The following HMG20A variants were observed in gnomAD, a reference collection of about 807,000 sequenced individuals.
The protein encoded by HMG20A is high mobility group protein 20A.
HMG20A carries 17 observed loss-of-function variants against 43.9 expected under a neutral mutation model. The observed-to-expected ratio is 0.39, with a 90% CI of 0.27 to 0.58. The LOEUF is 0.58. Ranked by LOEUF, HMG20A falls within the 20% of genes least tolerant of loss-of-function variation. HMG20A has a pLI of 0.59. For synonymous variants in HMG20A, 132 were observed against 147.5 expected, an observed-to-expected ratio of 0.89 and a Z score of 0.76; for missense variants, 341 against 438.2, an observed-to-expected ratio of 0.78 and a Z score of 1.98.
intron 1 of HMG20A, among the ~76,000 whole-genome samples, chr15:77,431,077 G>A (rs1245593091): frequency 6.6e-6 from 1 of 152,098 alleles, no homozygotes; most frequent in African/African-American, 2.4e-5. Flanking sequence ...GAGGAAAAAA[G>A]ACACATAATC....
chr15:77,518,470 G>T, the HMG20A span, among the ~76,000 whole-genome samples: 4 of 152,276 alleles, frequency 2.6e-5, no homozygotes, highest in African/African-American at 9.6e-5. Flanking sequence ...TACACAGGCT[G>T]GTCCCTGGAC....
At chr15:77,500,387 A>G in the HMG20A span, among the ~76,000 whole-genome samples, 1 of 152,092 alleles carries the variant, frequency 6.6e-6, no homozygotes, top group Non-Finnish European at 1.5e-5. Flanking sequence ...CCAATGTTAT[A>G]TTCTTTATAT....
chr15:77,511,445 C>G, the HMG20A span, among the ~76,000 whole-genome samples: 1 of 152,106 alleles, frequency 6.6e-6, no homozygotes, highest in Non-Finnish European at 1.5e-5. Context: ...GATTCCAGGG[C>G]TGGGGCAGGG....
At chr15:77,480,843 C>T in intron 9 of HMG20A, among the ~76,000 whole-genome samples, 1 of 151,596 alleles carries the variant, frequency 6.6e-6, no homozygotes, top group East Asian at 1.9e-4. Flanking sequence ...CTTTACTATG[C>T]CATCCCACAA....
At chr15:77,432,722 C>CAAAAAAAAAA (rs34459644) in intron 1 of HMG20A, among the ~76,000 whole-genome samples, 1 of 77,744 alleles carries the variant, frequency 1.3e-5, no homozygotes. Flanking sequence ...AACTCCGACT[C>CAAAAAAAAAA]AAAAAAAAAA....
At chr15:77,468,626 C>G (rs1024283816) in intron 4 of HMG20A, among the ~76,000 whole-genome samples, 1 of 150,508 alleles carries the variant, frequency 6.6e-6, no homozygotes, top group African/African-American at 2.4e-5. Flanking sequence ...CACACACACA[C>G]TTGCATGTGT....
the HMG20A span, among the ~76,000 whole-genome samples, chr15:77,501,488 T>C: frequency 3.9e-4 from 60 of 152,360 alleles, no homozygotes; most frequent in South Asian, 0.011. Context: ...TCAGGCTCTC[T>C]TGGGACTCCA....
chr15:77,441,915 G>A (rs759245445), intron 1 of HMG20A, among the ~76,000 whole-genome samples: 2 of 152,134 alleles, frequency 1.3e-5, no homozygotes, highest in African/African-American at 2.4e-5. Context: ...GTAATGATGA[G>A]CTTGAGAGTA....
chr15:77,461,662 G>A (rs960404117), intron 2 of HMG20A, among the ~76,000 whole-genome samples: 3 of 152,148 alleles, frequency 2.0e-5, no homozygotes, highest in African/African-American at 7.2e-5. Context: ...GTCCACTTAA[G>A]TCAGGGATTC....
the HMG20A span, among the ~76,000 whole-genome samples, chr15:77,505,542 A>G: frequency 2.0e-5 from 3 of 152,330 alleles, no homozygotes; most frequent in African/African-American, 4.8e-5. Flanking sequence ...AACCAGCAGG[A>G]CACACTGGCT....
the HMG20A span, among the ~76,000 whole-genome samples, chr15:77,492,431 C>A: frequency 5.1e-4 from 78 of 152,240 alleles, no homozygotes; most frequent in African/African-American, 1.8e-3. Flanking sequence ...AATTTCCCCC[C>A]ATCCATTATT....
chr15:77,450,721 T>C (rs778003644), intron 1 of HMG20A, among the ~76,000 whole-genome samples: 2 of 152,244 alleles, frequency 1.3e-5, no homozygotes, highest in Non-Finnish European at 2.9e-5. Flanking sequence ...CAACAAACAA[T>C]GGCAAGTTGA....
At chr15:77,495,583 A>G in the HMG20A span, among the ~76,000 whole-genome samples, 1 of 152,204 alleles carries the variant, frequency 6.6e-6, no homozygotes, top group African/African-American at 2.4e-5. Flanking sequence ...AAAAGGCAGT[A>G]AAGTGGAAAA....
chr15:77,493,296 C>T, the HMG20A span, among the ~76,000 whole-genome samples: 1 of 151,944 alleles, frequency 6.6e-6, no homozygotes. Context: ...AAGGAAGTGA[C>T]ACTTAAAATG....
chr15:77,433,312 A>G (rs1363404534), intron 1 of HMG20A, among the ~76,000 whole-genome samples: 2 of 146,312 alleles, frequency 1.4e-5, no homozygotes, highest in African/African-American at 2.5e-5. Flanking sequence ...ACTGCACTCC[A>G]GCCTGGATGT....
At chr15:77,422,855 A>G (rs1314804117) in intron 1 of HMG20A, among the ~76,000 whole-genome samples, 5 of 152,246 alleles carry the variant, frequency 3.3e-5, no homozygotes, top group African/African-American at 1.2e-4. Context: ...GGTTAGGAAC[A>G]TGTAGACTGC....
the HMG20A span, among the ~76,000 whole-genome samples, chr15:77,500,968 G>C: frequency 6.6e-6 from 1 of 152,152 alleles, no homozygotes; most frequent in South Asian, 2.1e-4. Context: ...GCCCAGATCA[G>C]ATAGCACCCA....
intron 3 of HMG20A, among the ~76,000 whole-genome samples, chr15:77,465,260 C>CA (rs71145837): frequency 0.51 from 29,961 of 59,102 alleles, 8,907 homozygotes; most frequent in Middle Eastern, 0.6. Context: ...GACTTCGTCT[C>CA]AAAAAAAAAA....
At chr15:77,460,917 C>T (rs1474640245) in intron 2 of HMG20A, among the ~76,000 whole-genome samples, 2 of 151,898 alleles carry the variant, frequency 1.3e-5, no homozygotes, top group Non-Finnish European at 2.9e-5. Flanking sequence ...ACCCAGGTGG[C>T]GGAAGTTGCA....
Sources: allele counts gnomAD v4.1 joint callset (sites outside exome capture counted in the v4.1 genomes callset), GRCh38; gene constraint gnomAD v4.1.1; transcripts MANE v1.5; gene names NCBI Gene and HGNC (gene_info 2026-07-23, HGNC 2026-07-21).